The following SCFD2 variants were observed in gnomAD, a reference collection of about 807,000 sequenced individuals.
SCFD2 encodes sec1 family domain-containing protein 2.
In SCFD2, 54 loss-of-function variants were observed where a neutral mutation model predicts 58.9. The ratio of observed to expected loss-of-function variants is 0.92; its 90% CI spans 0.74 to 1.15. The LOEUF is 1.15. SCFD2 is among the 50% of genes most tolerant of loss of function. The pLI is 0.00. For synonymous variants in SCFD2, 321 were observed against 335.9 expected (o/e 0.96, Z 0.49); for missense variants, 805 against 836.6 (o/e 0.96, Z 0.47).
rs529654690 is a variant in SCFD2, at chr4:53,022,942, C to T, written c.1562-102072G>A. 9.2e-4 allele frequency among the ~76,000 whole-genome samples: 140 copies of T among 152,128 alleles called. No individual in the cohort carries two copies. In the South Asian group the frequency reaches 0.013, roughly 14 times the overall value. On this transcript the variant is annotated intron_variant, in intron 5 of 8. Coordinates refer to ENST00000401642, the MANE Select transcript of SCFD2 (RefSeq NM_152540.4). The stretch of plus-strand genomic sequence containing the variant: ...ATTGTATAAATGAATGAATGGGGCG[C>T]CAAGGTAAATCTATAAAGCAGTGCT...
At chr4:53,249,306 T>G (rs571145432) in intron 4 of SCFD2, among the ~76,000 whole-genome samples, 70 of 152,170 alleles carry the variant, frequency 4.6e-4, no homozygotes, top group African/African-American at 1.7e-3. Flanking sequence ...TGGGACTATG[T>G]GAAAAGACCA....
At chr4:53,195,038 T>A (rs1179946838) in intron 4 of SCFD2, among the ~76,000 whole-genome samples, 2 of 152,030 alleles carry the variant, frequency 1.3e-5, no homozygotes, top group African/African-American at 4.8e-5. Context: ...TCAGTATGTA[T>A]CATGTAGTGG....
chr4:53,036,307 T>C (rs1722758774), intron 5 of SCFD2, among the ~76,000 whole-genome samples: 1 of 151,426 alleles, frequency 6.6e-6, no homozygotes, highest in South Asian at 2.1e-4. Flanking sequence ...CAACATGTAG[T>C]GTTTGGTAGT....
At chr4:53,078,988 T>G (rs1179163344) in intron 5 of SCFD2, among the ~76,000 whole-genome samples, 1 of 135,788 alleles carries the variant, frequency 7.4e-6, no homozygotes, top group African/African-American at 2.5e-5. Flanking sequence ...AGGTTTAGAT[T>G]ACCTCTGGTT....
At chr4:53,096,238 TG>T (rs878971160) in intron 5 of SCFD2, among the ~76,000 whole-genome samples, 1 of 152,218 alleles carries the variant, frequency 6.6e-6, no homozygotes, top group Non-Finnish European at 1.5e-5. Flanking sequence ...TACCCAGTAA[TG>T]GGATGGCTGG....
intron 2 of SCFD2, among the ~76,000 whole-genome samples, chr4:53,328,418 T>C (rs1179827401): frequency 6.6e-6 from 1 of 152,070 alleles, no homozygotes; most frequent in Non-Finnish European, 1.5e-5. Flanking sequence ...CAGAAAGTAT[T>C]AAAATGCTCA....
intron 7 of SCFD2, among the ~76,000 whole-genome samples, chr4:52,886,978 G>T (rs1004088093): frequency 2.6e-5 from 4 of 152,104 alleles, no homozygotes; most frequent in Non-Finnish European, 4.4e-5. Flanking sequence ...GCAGCCTGTG[G>T]CTACTCTATT....
intron 4 of SCFD2, among the ~76,000 whole-genome samples, chr4:53,238,267 C>A (rs1729741961): frequency 1.8e-5 from 2 of 110,416 alleles, no homozygotes; most frequent in Non-Finnish European, 3.8e-5. Flanking sequence ...GGCAGAGGCG[C>A]CCCTCACCTC....
At chr4:53,148,530 C>A (rs1241542753) in intron 4 of SCFD2, among the ~76,000 whole-genome samples, 1 of 152,164 alleles carries the variant, frequency 6.6e-6, no homozygotes, top group Non-Finnish European at 1.5e-5. Context: ...CCTCTAACTC[C>A]TTAACTTCTC....
chr4:53,329,474 A>G (rs533906485), intron 2 of SCFD2, among the ~76,000 whole-genome samples: 1 of 151,228 alleles, frequency 6.6e-6, no homozygotes, highest in Non-Finnish European at 1.5e-5. Flanking sequence ...GGCACCCCCC[A>G]GCAGGGGCAC....
At chr4:52,909,907 C>G (rs1172048046) in intron 6 of SCFD2, among the ~76,000 whole-genome samples, 1 of 152,132 alleles carries the variant, frequency 6.6e-6, no homozygotes, top group Non-Finnish European at 1.5e-5. Flanking sequence ...CCTGCAAATA[C>G]TCTTCCCTGA....
At chr4:53,044,939 G>A (rs1258814575) in intron 5 of SCFD2, among the ~76,000 whole-genome samples, 1 of 99,238 alleles carries the variant, frequency 1.0e-5, no homozygotes, top group African/African-American at 4.1e-5. Flanking sequence ...AACTTGCTTT[G>A]AGTCTGGGGT....
At chr4:52,921,546 C>G (rs1258538737) in intron 5 of SCFD2, among the ~76,000 whole-genome samples, 4 of 152,086 alleles carry the variant, frequency 2.6e-5, no homozygotes, top group Non-Finnish European at 5.9e-5. Context: ...CTTACCTCTC[C>G]CAAATACATC....
chr4:53,176,557 T>A (rs968775828), intron 4 of SCFD2, among the ~76,000 whole-genome samples: 1 of 152,214 alleles, frequency 6.6e-6, no homozygotes, highest in Non-Finnish European at 1.5e-5. Flanking sequence ...GAGAAAGGAA[T>A]AACTACCATG....
At chr4:52,996,015 T>C (rs913991435) in intron 5 of SCFD2, among the ~76,000 whole-genome samples, 6 of 152,232 alleles carry the variant, frequency 3.9e-5, no homozygotes, top group South Asian at 2.1e-4. Context: ...TCTCTGCCTA[T>C]TCAACATTAA....
At chr4:52,879,204 C>T (rs550729811) in intron 8 of SCFD2, among the ~76,000 whole-genome samples, 14 of 152,190 alleles carry the variant, frequency 9.2e-5, no homozygotes, top group Admixed American at 6.5e-5. Flanking sequence ...AAGAGCACCC[C>T]GCAGTGCTCA....
Position 53,274,277 on chromosome 4 carries a change from T to C in SCFD2, c.1136-276A>G, listed in dbSNP as rs146419226. On this transcript the variant is annotated intron_variant, in intron 3 of 8. Transcript: ENST00000401642. The stretch of plus-strand genomic sequence containing the variant: ...CAGTAGAATTCATTTTATCATTATG[T>C]AATACTCTGTAAATAAATTTTCAAA... Among the ~76,000 whole-genome samples, 9 of 152,332 alleles carry C rather than the reference T, an allele frequency of 5.9e-5. No homozygotes were observed. The East Asian group carries it at 1.7e-3, about 29-fold the overall frequency.
chr4:53,239,482 G>A (rs970045889), intron 4 of SCFD2, among the ~76,000 whole-genome samples: 1 of 151,878 alleles, frequency 6.6e-6, no homozygotes, highest in Admixed American at 6.6e-5. Context: ...AATCTTTTAA[G>A]TCAAAGTCAC....
At chr4:52,987,478 T>C (rs955778923) in intron 5 of SCFD2, among the ~76,000 whole-genome samples, 6 of 152,238 alleles carry the variant, frequency 3.9e-5, no homozygotes, top group Non-Finnish European at 7.3e-5. Flanking sequence ...AATGCTTTTC[T>C]AGATCTTGCT....
Sources: gnomAD v4.1 joint callset for allele counts (sites outside exome capture counted in the v4.1 genomes callset) on GRCh38, gnomAD v4.1.1 for gene constraint, MANE v1.5 for transcripts, NCBI Gene and HGNC (gene_info 2026-07-23, HGNC 2026-07-21) for gene names.